LHFPL3: variants seen among roughly 807,000 people sequenced by gnomAD.
LHFPL3 encodes the protein LHFPL tetraspan subfamily member 3.
A neutral mutation model predicts 19.3 loss-of-function variants in LHFPL3; 5 were observed. The ratio of observed to expected loss-of-function variants is 0.26; its 90% CI spans 0.14 to 0.54. The LOEUF (loss-of-function observed/expected upper bound fraction) is 0.54, where lower values mean the gene tolerates loss of function less well. Ranked by LOEUF, LHFPL3 falls within the 20% of genes least tolerant of loss-of-function variation. The probability of loss-of-function intolerance (pLI) is 0.94; values close to 1 mark genes in which losing one functional copy is unlikely to be tolerated. For synonymous variants in LHFPL3, 133 were observed against 126.2 expected (o/e 1.05, Z -0.36); for missense variants, 249 against 307.4 (o/e 0.81, Z 1.42).
intron 1 of LHFPL3, among the ~76,000 whole-genome samples, chr7:104,430,389 TATATATATATATATAC>T (rs1562895020): frequency 2.0e-5 from 1 of 51,104 alleles, no homozygotes; most frequent in African/African-American, 1.6e-4. Context: ...TATACATATA[TATATATATATATATAC>T]ATATATATAT....
chr7:104,341,632 T>A (rs911972184), intron 1 of LHFPL3, among the ~76,000 whole-genome samples: 9 of 152,190 alleles, frequency 5.9e-5, no homozygotes, highest in African/African-American at 2.2e-4. Flanking sequence ...CTTCCAGACC[T>A]CTCAGTCTTT....
At chr7:104,865,254 G>A (rs545395981) in intron 2 of LHFPL3, among the ~76,000 whole-genome samples, 1 of 152,140 alleles carries the variant, frequency 6.6e-6, no homozygotes, top group African/African-American at 2.4e-5. Flanking sequence ...AGAGAAGAAG[G>A]CTTCAGACGA....
At chr7:104,811,264 G>T (rs1020594283) in intron 2 of LHFPL3, among the ~76,000 whole-genome samples, 5 of 151,232 alleles carry the variant, frequency 3.3e-5, no homozygotes, top group South Asian at 2.1e-4. Flanking sequence ...GCGCATTCAT[G>T]ACTTACTGTA....
chr7:104,529,582 C>T (rs1197665183), intron 1 of LHFPL3, among the ~76,000 whole-genome samples: 1 of 152,184 alleles, frequency 6.6e-6, no homozygotes, highest in Non-Finnish European at 1.5e-5. Context: ...ACACCTGCTT[C>T]AGTGAAAGAA....
intron 2 of LHFPL3, among the ~76,000 whole-genome samples, chr7:104,905,655 A>C (rs1284711211): frequency 6.6e-6 from 1 of 152,244 alleles, no homozygotes; most frequent in Non-Finnish European, 1.5e-5. Context: ...TTAAATGTTT[A>C]AAGTATCATC....
At chr7:104,555,874 A>G (rs769799116) in intron 1 of LHFPL3, among the ~76,000 whole-genome samples, 3 of 152,254 alleles carry the variant, frequency 2.0e-5, no homozygotes, top group African/African-American at 4.8e-5. Flanking sequence ...GGGTACAGGC[A>G]TTACAACCAT....
At chr7:104,630,399 T>G (rs139880484) in intron 1 of LHFPL3, among the ~76,000 whole-genome samples, 1 of 152,244 alleles carries the variant, frequency 6.6e-6, no homozygotes, top group East Asian at 1.9e-4. Flanking sequence ...AATGGGTGGA[T>G]GTGAGAATAT....
At chr7:104,724,355 C>T (rs746099083) in intron 1 of LHFPL3, among the ~76,000 whole-genome samples, 7 of 151,154 alleles carry the variant, frequency 4.6e-5, no homozygotes, top group African/African-American at 1.5e-4. Flanking sequence ...AGGAGGAGTT[C>T]GGATAGGAGG....
intron 1 of LHFPL3, among the ~76,000 whole-genome samples, chr7:104,338,391 G>T (rs762202349): frequency 6.6e-6 from 1 of 151,980 alleles, no homozygotes; most frequent in Non-Finnish European, 1.5e-5. Flanking sequence ...GAACCACTGC[G>T]CCCAGCCAAA....
intron 1 of LHFPL3, among the ~76,000 whole-genome samples, chr7:104,447,227 TA>T (rs1439482408): frequency 6.6e-6 from 1 of 152,188 alleles, no homozygotes; most frequent in Admixed American, 6.5e-5. Flanking sequence ...GGGACTTTGC[TA>T]TGTTGTTGGG....
intron 1 of LHFPL3, among the ~76,000 whole-genome samples, chr7:104,625,674 T>C (rs1347202515): frequency 1.3e-5 from 2 of 152,174 alleles, no homozygotes; most frequent in Non-Finnish European, 2.9e-5. Flanking sequence ...AACACCAGCC[T>C]CTTTTTCTCA....
chr7:104,743,635 C>G (rs1793977967), intron 2 of LHFPL3, among the ~76,000 whole-genome samples: 1 of 152,132 alleles, frequency 6.6e-6, no homozygotes. Flanking sequence ...TCCCATATAA[C>G]CTTTTCATTG....
intron 1 of LHFPL3, among the ~76,000 whole-genome samples, chr7:104,441,523 A>G (rs1328256230): frequency 6.6e-6 from 1 of 152,120 alleles, no homozygotes; most frequent in African/African-American, 2.4e-5. Context: ...ATTGTGAATA[A>G]TGCTGCAATG....
At chr7:104,851,286 T>C (rs1428069700) in intron 2 of LHFPL3, among the ~76,000 whole-genome samples, 1 of 152,202 alleles carries the variant, frequency 6.6e-6, no homozygotes, top group Non-Finnish European at 1.5e-5. Flanking sequence ...AGCCTGTGGC[T>C]GGGTGTTTTC....
At chr7:104,722,878 C>A (rs895059407) in intron 1 of LHFPL3, among the ~76,000 whole-genome samples, 3 of 152,092 alleles carry the variant, frequency 2.0e-5, no homozygotes, top group Admixed American at 6.6e-5. Flanking sequence ...TTTTGTGCAA[C>A]AGTGCATAGA....
rs1463910082 is a variant in LHFPL3, at chr7:104,727,284, TC to T, written c.446-9390del. ...TTCTCCCATTCTGTAGGTTGTCTGTTCACTTTGATGACAGTTTCTTCTGTAT... is the reference window on the plus strand; with the variant it reads ...TTCTCCCATTCTGTAGGTTGTCTGTTACTTTGATGACAGTTTCTTCTGTAT... On this transcript the variant is annotated intron_variant, in intron 1 of 2. Transcript: ENST00000424859. Among the ~76,000 whole-genome samples the T allele has an allele frequency of 2.6e-5, 4 of 152,238 alleles. No individual in the cohort carries two copies. The South Asian group carries it at 6.2e-4, about 24-fold the overall frequency.
At chr7:104,366,910 T>A (rs1202593870) in intron 1 of LHFPL3, among the ~76,000 whole-genome samples, 2 of 152,122 alleles carry the variant, frequency 1.3e-5, no homozygotes, top group Non-Finnish European at 2.9e-5. Flanking sequence ...AAAAAATAAA[T>A]CAAACAGCCA....
intron 1 of LHFPL3, among the ~76,000 whole-genome samples, chr7:104,363,215 T>G (rs11773538): frequency 0.078 from 11,895 of 152,292 alleles, 502 homozygotes; most frequent in Middle Eastern, 0.092. Context: ...TGCTCAGGAA[T>G]GAACCAAGGG....
intron 1 of LHFPL3, among the ~76,000 whole-genome samples, chr7:104,687,053 A>T (rs1792819986): frequency 6.6e-6 from 1 of 152,230 alleles, no homozygotes; most frequent in South Asian, 2.1e-4. Flanking sequence ...TTTGGATTAC[A>T]ATTCAAGATG....
Sources: gnomAD v4.1 joint callset for allele counts (sites outside exome capture counted in the v4.1 genomes callset) on GRCh38, gnomAD v4.1.1 for gene constraint, MANE v1.5 for transcripts, NCBI Gene and HGNC (gene_info 2026-07-23, HGNC 2026-07-21) for gene names.